FOXP1: variants seen among roughly 807,000 people sequenced by gnomAD.
FOXP1 encodes the protein forkhead box protein P1.
In FOXP1, 15 loss-of-function variants were observed where a neutral mutation model predicts 98.2. The ratio of observed to expected loss-of-function variants is 0.15; its 90% confidence interval spans 0.10 to 0.24. The LOEUF (loss-of-function observed/expected upper bound fraction) is 0.24. Among genes scored for constraint, FOXP1 ranks in the 10% least tolerant of loss-of-function variants. FOXP1 has a pLI of 1.00. For missense variants in FOXP1, 633 were observed against 848.5 expected, an observed-to-expected ratio of 0.75 and a Z score of 3.15; for synonymous variants, 371 against 314.5, an observed-to-expected ratio of 1.18 and a Z score of -1.90.
intron 2 of FOXP1, among the ~76,000 whole-genome samples, chr3:71,527,534 A>G (rs1053176928): frequency 1.3e-5 from 2 of 152,244 alleles, no homozygotes; most frequent in African/African-American, 4.8e-5. Flanking sequence ...TAAAAGCTAT[A>G]AACACAGCAC....
At chr3:71,048,442 C>T (rs1488801367) in intron 9 of FOXP1, among the ~76,000 whole-genome samples, 1 of 152,020 alleles carries the variant, frequency 6.6e-6, no homozygotes, top group African/African-American at 2.4e-5. Flanking sequence ...ACAGTAAAAA[C>T]CATCATTCTC....
intron 12 of FOXP1, among the ~76,000 whole-genome samples, chr3:71,004,800 A>T (rs2042563320): frequency 1.3e-5 from 2 of 152,168 alleles, no homozygotes; most frequent in Non-Finnish European, 2.9e-5. Flanking sequence ...ATACGTGACA[A>T]GCTTTGGAAT....
chr3:71,132,643 T>G (rs554674746), intron 6 of FOXP1, among the ~76,000 whole-genome samples: 1 of 152,312 alleles, frequency 6.6e-6, no homozygotes, highest in African/African-American at 2.4e-5. Flanking sequence ...CAAAGCAAGA[T>G]CTTCTTTTGC....
chr3:71,130,872 T>C (rs1348320756), intron 6 of FOXP1: 1 of 1,406,014 alleles, frequency 7.1e-7, no homozygotes, highest in African/African-American at 1.4e-5. Context: ...ATGCCACACA[T>C]ATCTAAACCG....
At chr3:71,203,730 C>T (rs2063809530) in intron 5 of FOXP1, among the ~76,000 whole-genome samples, 1 of 152,112 alleles carries the variant, frequency 6.6e-6, no homozygotes, top group Non-Finnish European at 1.5e-5. Context: ...TTAAACTAAA[C>T]ATAGTTTTGT....
At chr3:71,332,572 A>G (rs1022989280) in intron 4 of FOXP1, 4 of 152,352 alleles carry the variant, frequency 2.6e-5, no homozygotes, top group Non-Finnish European at 5.9e-5. Context: ...TGTCTTGACT[A>G]AAAATATAAA....
intron 16 of FOXP1, 93 bp downstream of exon 16, chr3:70,977,550 A>G (rs966788282): frequency 1.3e-5 from 14 of 1,068,274 alleles, no homozygotes; most frequent in Non-Finnish European, 1.7e-5. Context: ...GCATGCTTGC[A>G]TACTAAACGG....
intron 3 of FOXP1, among the ~76,000 whole-genome samples, chr3:71,457,954 T>C (rs114316803): frequency 0.03 from 4,498 of 152,232 alleles, 105 homozygotes; most frequent in Non-Finnish European, 0.041. Flanking sequence ...TCTCAACCAG[T>C]ATTGGCTACA....
intron 6 of FOXP1, among the ~76,000 whole-genome samples, chr3:71,182,567 G>A (rs1308430216): frequency 3.5e-5 from 4 of 115,466 alleles, no homozygotes; most frequent in African/African-American, 1.3e-4. Context: ...TTTTTTTTTA[G>A]TAGAGACAGG....
At chr3:71,062,688 G>A (rs1251976542) in intron 7 of FOXP1, among the ~76,000 whole-genome samples, 1 of 152,116 alleles carries the variant, frequency 6.6e-6, no homozygotes, top group Non-Finnish European at 1.5e-5. Context: ...TAATTGACAT[G>A]TTATACCTCT....
At chr3:71,474,862 T>C (rs778747933) in intron 3 of FOXP1, among the ~76,000 whole-genome samples, 3 of 152,262 alleles carry the variant, frequency 2.0e-5, no homozygotes, top group Non-Finnish European at 4.4e-5. Context: ...TGAATCATCC[T>C]GAAACCATCC....
At chr3:71,550,584 G>A (rs963080605) in intron 2 of FOXP1, among the ~76,000 whole-genome samples, 2 of 152,174 alleles carry the variant, frequency 1.3e-5, no homozygotes, top group Non-Finnish European at 2.9e-5. Flanking sequence ...TGCTGAAAGT[G>A]ACCAATTTAA....
At chr3:71,198,432 G>GGGGGGGGGGGGA (rs1576341158) in intron 5 of FOXP1, 40 bp from the exon 6 acceptor site, 6 of 491,026 alleles carry the variant, frequency 1.2e-5, no homozygotes, top group South Asian at 4.5e-5. Flanking sequence ...GGGAGGGGGG[G>GGGGGGGGGGGGA]AGAAAAAAAA....
intron 5 of FOXP1, among the ~76,000 whole-genome samples, chr3:71,201,670 A>T (rs1296241606): frequency 6.6e-6 from 1 of 152,056 alleles, no homozygotes; most frequent in Non-Finnish European, 1.5e-5. Context: ...GAATTATAGG[A>T]AAAGGCACAG....
intron 2 of FOXP1, among the ~76,000 whole-genome samples, chr3:71,552,108 G>T (rs542935313): frequency 6.6e-6 from 1 of 152,250 alleles, no homozygotes; most frequent in African/African-American, 2.4e-5. Flanking sequence ...AGTCTAGCTT[G>T]AAAGAGAACT....
At chr3:71,555,920 G>A (rs1215433843) in intron 2 of FOXP1, among the ~76,000 whole-genome samples, 1 of 151,358 alleles carries the variant, frequency 6.6e-6, no homozygotes, top group Non-Finnish European at 1.5e-5. Flanking sequence ...AAAAGAGGAG[G>A]AAGAGAAAGA....
intron 2 of FOXP1, among the ~76,000 whole-genome samples, chr3:71,514,686 G>T (rs2042434382): frequency 6.6e-6 from 1 of 152,160 alleles, no homozygotes; most frequent in South Asian, 2.1e-4. Context: ...CTTCATACAA[G>T]TTGAAAAAAC....
intron 4 of FOXP1, among the ~76,000 whole-genome samples, chr3:71,340,286 C>T (rs1042649502): frequency 6.6e-6 from 1 of 152,170 alleles, no homozygotes; most frequent in African/African-American, 2.4e-5. Context: ...TGTATTTGTG[C>T]AGAAACTAGA....
chr3:71,483,549 A>G (rs2090440805), intron 3 of FOXP1, among the ~76,000 whole-genome samples: 1 of 152,088 alleles, frequency 6.6e-6, no homozygotes, highest in African/African-American at 2.4e-5. Context: ...TCCTACTACT[A>G]CTTAGTGACA....
Sources: allele counts gnomAD v4.1 joint callset (sites outside exome capture counted in the v4.1 genomes callset), GRCh38; gene constraint gnomAD v4.1.1; transcripts MANE v1.5; gene names NCBI Gene and HGNC (gene_info 2026-07-23, HGNC 2026-07-21).